GLIS3: variants seen among roughly 807,000 people sequenced by gnomAD.
GLIS3 encodes the protein GLIS family zinc finger 3.
GLIS3 carries 53 observed loss-of-function variants against 78.6 expected under a neutral mutation model. That is an observed-to-expected ratio of 0.67 (90% CI 0.54 to 0.85). The LOEUF (loss-of-function observed/expected upper bound fraction) is 0.85. Among genes scored for constraint, GLIS3 ranks in the 40% least tolerant of loss-of-function variants. The pLI is 0.00. For synonymous variants in GLIS3, 684 were observed against 509.9 expected (o/e 1.34, Z -4.60); for missense variants, 1,703 against 1,231.1 (o/e 1.38, Z -5.74).
intron 2 of GLIS3, among the ~76,000 whole-genome samples, chr9:4,220,145 A>G (rs899651712): frequency 3.9e-5 from 6 of 152,220 alleles, no homozygotes; most frequent in African/African-American, 1.2e-4. Context: ...ATTGATAACA[A>G]TGGACTATAA....
intron 2 of GLIS3, among the ~76,000 whole-genome samples, chr9:4,333,741 C>T (rs966648927): frequency 1.7e-5 from 2 of 119,678 alleles, no homozygotes; most frequent in Non-Finnish European, 3.3e-5. Flanking sequence ...TGATGCCCCC[C>T]CCCACCCCCC....
chr9:4,315,443 TTAA>T (rs1214208961), intron 2 of GLIS3, among the ~76,000 whole-genome samples: 14 of 152,320 alleles, frequency 9.2e-5, no homozygotes, highest in Middle Eastern at 6.8e-3. Flanking sequence ...TGCTCTCCAT[TTAA>T]TAATAAGTTT....
At chr9:4,142,920 A>G (rs1270072040) in intron 2 of GLIS3, among the ~76,000 whole-genome samples, 1 of 152,162 alleles carries the variant, frequency 6.6e-6, no homozygotes, top group Non-Finnish European at 1.5e-5. Context: ...AGGCTGAAAG[A>G]TCAGTGAGGA....
intron 2 of GLIS3, among the ~76,000 whole-genome samples, chr9:4,256,712 G>A (rs915262796): frequency 1.3e-5 from 2 of 152,206 alleles, no homozygotes; most frequent in East Asian, 3.8e-4. Flanking sequence ...CCTAAGGGCT[G>A]TTTATCAATA....
At chr9:4,028,709 A>G (rs1823559512) in intron 4 of GLIS3, among the ~76,000 whole-genome samples, 1 of 150,254 alleles carries the variant, frequency 6.7e-6, no homozygotes, top group Admixed American at 6.6e-5. Context: ...CTGCTTTTGA[A>G]TTGAGTAAGA....
At chr9:4,332,837 A>G (rs1164769150) in intron 2 of GLIS3, among the ~76,000 whole-genome samples, 3 of 152,246 alleles carry the variant, frequency 2.0e-5, no homozygotes, top group African/African-American at 4.8e-5. Context: ...GGTACTAGAT[A>G]CTACATATTC....
chr9:4,135,956 C>A (rs991696518), intron 2 of GLIS3, among the ~76,000 whole-genome samples: 1 of 152,158 alleles, frequency 6.6e-6, no homozygotes, highest in South Asian at 2.1e-4. Context: ...ACATTAGTAA[C>A]AATTTAATGA....
At chr9:4,351,767 T>C (rs370280145), upstream of GLIS3, among the ~76,000 whole-genome samples, 1 of 152,172 alleles carries the variant, frequency 6.6e-6, no homozygotes, top group Non-Finnish European at 1.5e-5. Flanking sequence ...TTTTTAAAAT[T>C]AGTTTCTAAG....
At chr9:4,322,826 G>C (rs1257717035) in intron 2 of GLIS3, among the ~76,000 whole-genome samples, 3 of 152,192 alleles carry the variant, frequency 2.0e-5, no homozygotes, top group South Asian at 4.2e-4. Context: ...GTGTCAGATG[G>C]GTAGATTGCA....
At chr9:4,284,064 G>C (rs1248288481) in intron 2 of GLIS3, among the ~76,000 whole-genome samples, 1 of 152,200 alleles carries the variant, frequency 6.6e-6, no homozygotes, top group Non-Finnish European at 1.5e-5. Context: ...GGTTTTTTAA[G>C]AAAACATGGC....
intron 4 of GLIS3, among the ~76,000 whole-genome samples, chr9:3,972,309 A>G (rs1352352372): frequency 6.6e-6 from 1 of 152,066 alleles, no homozygotes; most frequent in Non-Finnish European, 1.5e-5. Flanking sequence ...TTATTCCTCT[A>G]CCTAATGTAA....
rs73643705 is a variant in GLIS3, at chr9:4,099,816, C to T, written c.1710+17952G>A. On this transcript the variant is annotated intron_variant, in intron 4 of 10. Coordinates refer to ENST00000381971, the MANE Select transcript of GLIS3 (RefSeq NM_001042413.2). ...TGTACTCATACCTCACCTCATTCCA[C>T]AGAGAATTTAAATTGATAAAAGATT... Among the ~76,000 whole-genome samples the T allele has an allele frequency of 2.6e-3, 392 of 152,322 alleles. 2 individuals carry two copies. The highest frequency in any genetic ancestry group is 9.0e-3 in the African/African-American group (375 of 41,568).
rs12347286 is a variant in GLIS3 at position 3,903,776 on chromosome 9, A to T, written c.1984-4941T>A. Among the ~76,000 whole-genome samples the T allele has an allele frequency of 5.2e-3, 786 of 152,308 alleles. 8 individuals carry two copies. Among genetic ancestry groups the T allele is most frequent in the African/African-American group, 0.018 (755 of 41,550 alleles). On this transcript the variant is annotated intron_variant, in intron 6 of 10. Coordinates refer to ENST00000381971, the MANE Select transcript of GLIS3 (RefSeq NM_001042413.2). ...GTGCTATGGAAAAAAGAAAAAGAAG[A>T]TAAAGGTAGATGAGATTGGGAGTGA...
chr9:4,231,509 A>G (rs1822249619), intron 2 of GLIS3, among the ~76,000 whole-genome samples: 1 of 152,232 alleles, frequency 6.6e-6, no homozygotes, highest in African/African-American at 2.4e-5. Flanking sequence ...ATTAGAGAAA[A>G]AGTCCTTAGA....
At chr9:4,043,219 A>G (rs1314967212) in intron 4 of GLIS3, among the ~76,000 whole-genome samples, 1 of 152,078 alleles carries the variant, frequency 6.6e-6, no homozygotes, top group African/African-American at 2.4e-5. Flanking sequence ...ACTTTCAGTG[A>G]GACTTTACGT....
chr9:4,447,944 C>T, the GLIS3 span, among the ~76,000 whole-genome samples: 3 of 152,022 alleles, frequency 2.0e-5, no homozygotes, highest in African/African-American at 7.3e-5. Flanking sequence ...TAAAAATGAG[C>T]TCTCAATATG....
Position 4,118,622 on chromosome 9 carries a change from G to A in GLIS3, c.856C>T (p.Pro286Ser), listed in dbSNP as rs772528742. Residue 286 changes from proline (P) to serine (S), a missense_variant, in exon 4 of 11, where the codon CCT becomes TCT. Transcript: ENST00000381971. The surrounding 1 kb of genome is among the most constrained non-coding windows in gnomAD (Gnocchi z 4.7). Reference sequence around the variant, plus strand: ...TGGGACCTGGTGGATGAGTGCCGAGGACTAGGGTAAGGAGAGTGGCTACTT... The same window carrying A: ...TGGGACCTGGTGGATGAGTGCCGAGAACTAGGGTAAGGAGAGTGGCTACTT... ...TESSHSPYPS[P>S]RHSSTRSHSA... 1.2e-6 allele frequency: 2 copies of A among 1,614,108 alleles called. No homozygotes were observed. The highest frequency in any genetic ancestry group is 1.3e-5 in the African/African-American group (1 of 74,932).
intron 4 of GLIS3, among the ~76,000 whole-genome samples, chr9:4,080,395 C>A (rs1038447126): frequency 6.0e-5 from 9 of 148,902 alleles, no homozygotes; most frequent in African/African-American, 2.3e-4. Flanking sequence ...GATAAAAAAA[C>A]ATTTTGATGC....
At chr9:4,271,034 C>G (rs962475350) in intron 2 of GLIS3, among the ~76,000 whole-genome samples, 3 of 151,904 alleles carry the variant, frequency 2.0e-5, no homozygotes, top group African/African-American at 7.3e-5. Flanking sequence ...CAAAACCAAC[C>G]CTTCCTCTTC....
Sources: gnomAD v4.1 joint callset for allele counts (sites outside exome capture counted in the v4.1 genomes callset) on GRCh38, gnomAD v4.1.1 for gene constraint, Gnocchi (gnomAD v3.1) non-coding constraint, MANE v1.5 for transcripts, NCBI Gene and HGNC (gene_info 2026-07-23, HGNC 2026-07-21) for gene names.